The following CREB5 variants were observed in gnomAD, a reference collection of about 807,000 sequenced individuals.
CREB5 encodes the protein cyclic AMP-responsive element-binding protein 5.
A neutral mutation model predicts 57.1 loss-of-function variants in CREB5; 19 were observed. The observed-to-expected ratio is 0.33, with a 90% CI of 0.23 to 0.49. The LOEUF (loss-of-function observed/expected upper bound fraction) is 0.49. CREB5 is among the 20% of genes least tolerant of loss of function. CREB5 has a pLI of 0.99. For synonymous variants in CREB5, 238 were observed against 238.3 expected (o/e 1.00, Z 0.01); for missense variants, 579 against 671.6 (o/e 0.86, Z 1.52).
chr7:28,655,262 A>G, intron 5 of CREB5, among the ~76,000 whole-genome samples: 1 of 152,094 alleles, frequency 6.6e-6, no homozygotes. Flanking sequence ...TGTTTGTTGT[A>G]TTACTCTTTA....
intron 1 of CREB5, among the ~76,000 whole-genome samples, chr7:28,471,600 C>G (rs759673949): frequency 6.6e-6 from 1 of 152,080 alleles, no homozygotes; most frequent in Non-Finnish European, 1.5e-5. Flanking sequence ...TTTATCACAA[C>G]GCTGTGTGAA....
At chr7:28,761,041 G>A (rs963071398) in intron 7 of CREB5, among the ~76,000 whole-genome samples, 2 of 152,140 alleles carry the variant, frequency 1.3e-5, no homozygotes, top group South Asian at 2.1e-4. Context: ...GCCTACATGC[G>A]CTTCCTCCGG....
intron 7 of CREB5, among the ~76,000 whole-genome samples, chr7:28,759,490 A>T (rs1298242089): frequency 1.3e-5 from 2 of 152,214 alleles, no homozygotes; most frequent in Non-Finnish European, 2.9e-5. Flanking sequence ...TACAGTAGAT[A>T]TGTGCAGTCT....
chr7:28,542,404 A>AT (rs2128628871), intron 4 of CREB5, among the ~76,000 whole-genome samples: 1 of 152,314 alleles, frequency 6.6e-6, no homozygotes, highest in East Asian at 1.9e-4. Context: ...ACAAAGATTG[A>AT]TTACCTGCCA....
intron 1 of CREB5, among the ~76,000 whole-genome samples, chr7:28,367,822 G>A (rs2391664): frequency 0.62 from 92,473 of 148,638 alleles, 29,705 homozygotes; most frequent in South Asian, 0.74. Flanking sequence ...CAAACAAACA[G>A]ACAAACAAAC....
chr7:28,704,947 A>G (rs530248953), intron 5 of CREB5, among the ~76,000 whole-genome samples: 1 of 152,222 alleles, frequency 6.6e-6, no homozygotes, highest in African/African-American at 2.4e-5. Context: ...TGGTGTATTC[A>G]TATTCAAAGC....
At chr7:28,636,653 C>T (rs1370270015) in intron 5 of CREB5, among the ~76,000 whole-genome samples, 1 of 152,162 alleles carries the variant, frequency 6.6e-6, no homozygotes, top group Non-Finnish European at 1.5e-5. Context: ...TCATAGTCAT[C>T]CTAGACTTTT....
At chr7:28,564,521 G>A (rs557092574) in intron 4 of CREB5, among the ~76,000 whole-genome samples, 8 of 152,222 alleles carry the variant, frequency 5.3e-5, no homozygotes, top group African/African-American at 1.7e-4. Flanking sequence ...TCTACCTCAA[G>A]CTCAGGAGTA....
chr7:28,460,846 A>G (rs551568565), intron 1 of CREB5, among the ~76,000 whole-genome samples: 2 of 152,068 alleles, frequency 1.3e-5, no homozygotes, highest in African/African-American at 4.8e-5. Context: ...GGAGAAAAGT[A>G]GTTGGAAAAG....
At chr7:28,637,506 A>G (rs1238740069) in intron 5 of CREB5, among the ~76,000 whole-genome samples, 1 of 152,232 alleles carries the variant, frequency 6.6e-6, no homozygotes, top group East Asian at 1.9e-4. Flanking sequence ...GTAAGATGCT[A>G]AAATGGAGTT....
At chr7:28,471,781 T>C (rs892806038) in intron 1 of CREB5, among the ~76,000 whole-genome samples, 5 of 23,778 alleles carry the variant, frequency 2.1e-4, no homozygotes, top group Admixed American at 1.7e-3. Context: ...TTATCTTACA[T>C]TGAGTTTTTA....
At chr7:28,772,266 C>T (rs1806366863) in intron 7 of CREB5, among the ~76,000 whole-genome samples, 2 of 152,070 alleles carry the variant, frequency 1.3e-5, no homozygotes, top group South Asian at 4.1e-4. Flanking sequence ...GGTTAGTAGC[C>T]GAAAACCGCT....
At chr7:28,464,106 A>G (rs1291021507) in intron 1 of CREB5, among the ~76,000 whole-genome samples, 1 of 152,056 alleles carries the variant, frequency 6.6e-6, no homozygotes, top group Non-Finnish European at 1.5e-5. Context: ...TTTATGCTTT[A>G]TTCTATTGAG....
intron 7 of CREB5, among the ~76,000 whole-genome samples, chr7:28,737,866 C>A: frequency 6.6e-6 from 1 of 151,538 alleles, no homozygotes; most frequent in African/African-American, 2.4e-5. Context: ...TTGAATTCAC[C>A]AATTAATTAA....
At chr7:28,702,457 C>A (rs1562582846) in intron 5 of CREB5, among the ~76,000 whole-genome samples, 1 of 152,218 alleles carries the variant, frequency 6.6e-6, no homozygotes, top group Non-Finnish European at 1.5e-5. Flanking sequence ...TTACCAATAT[C>A]ATGAGGCAAG....
At chr7:28,469,725 G>A (rs560665874) in intron 1 of CREB5, among the ~76,000 whole-genome samples, 2 of 152,254 alleles carry the variant, frequency 1.3e-5, no homozygotes, top group East Asian at 1.9e-4. Flanking sequence ...GTTCTCAATT[G>A]TTTACAGATG....
rs1562606722 is a variant in CREB5 at position 28,737,572 on chromosome 7, TA to T, written c.702+13241del. On this transcript the variant is annotated intron_variant, in intron 7 of 10. Coordinates refer to ENST00000357727, the MANE Select transcript of CREB5 (RefSeq NM_182898.4). ...ATATATATATATATATATATATATA[TA>T]TATATATATATATATTTTTAACTCC... is the stretch of plus-strand genomic sequence containing the variant. Among the ~76,000 whole-genome samples the T allele has an allele frequency of 7.5e-3, 288 of 38,438 alleles. 6 individuals are homozygous for T. Among genetic ancestry groups the T allele is most frequent in the African/African-American group, 0.019 (248 of 13,290 alleles). 25.2% of individuals were successfully genotyped at this position (38,438 alleles called of 152,430 possible). A position where few individuals can be genotyped will look rare whatever the true frequency, so the allele number is the denominator to read the frequency against.
At chr7:28,596,089 G>A (rs1796683144) in intron 5 of CREB5, among the ~76,000 whole-genome samples, 1 of 152,116 alleles carries the variant, frequency 6.6e-6, no homozygotes, top group South Asian at 2.1e-4. Context: ...TCCCCAAGAG[G>A]CCACCTTTTT....
At chr7:28,367,009 G>T (rs182130741) in intron 1 of CREB5, among the ~76,000 whole-genome samples, 2 of 150,270 alleles carry the variant, frequency 1.3e-5, no homozygotes, top group East Asian at 1.9e-4. Flanking sequence ...TCTGAAAATC[G>T]CTCTCCTTAA....
Sources: allele counts gnomAD v4.1 joint callset (sites outside exome capture counted in the v4.1 genomes callset), GRCh38; gene constraint gnomAD v4.1.1; transcripts MANE v1.5; gene names NCBI Gene and HGNC (gene_info 2026-07-23, HGNC 2026-07-21).